The following CPEB2 variants were observed in gnomAD, a reference collection of about 807,000 sequenced individuals.
CPEB2 encodes cytoplasmic polyadenylation element binding protein 2.
In CPEB2, 56 loss-of-function variants were observed where a neutral mutation model predicts 93.6. That is an observed-to-expected ratio of 0.60 (90% CI 0.48 to 0.75). CPEB2 has a LOEUF of 0.75. Among genes scored for constraint, CPEB2 ranks in the 30% least tolerant of loss-of-function variants. The probability of loss-of-function intolerance (pLI) is 0.00; values close to 1 mark genes in which losing one functional copy is unlikely to be tolerated. For synonymous variants in CPEB2, 764 were observed against 586.3 expected (o/e 1.30, Z -4.38); for missense variants, 1,579 against 1,395.1 (o/e 1.13, Z -2.10).
At position 15,003,006 on chromosome 4, in the gene CPEB2, G is replaced by T; in HGVS notation, c.333G>T (p.Gly111=). ...LTQQPARPLS[G]AAATEKLPDH... is the part of the protein sequence containing the mutation. ...AGCAGCCGGCGCGGCCGCTTTCGGGGGCGGCGGCCACGGAGAAACTCCCCG... is the reference window on the plus strand; with the variant it reads ...AGCAGCCGGCGCGGCCGCTTTCGGGTGCGGCGGCCACGGAGAAACTCCCCG... Residue 111 remains glycine, a synonymous_variant, in exon 1 of 12, where the codon GGG becomes GGT. Coordinates refer to ENST00000538197, the MANE Select transcript of CPEB2 (RefSeq NM_001177382.2). The T allele has an allele frequency of 6.7e-7, 1 of 1,496,192 alleles. No homozygotes were observed. The highest frequency in any genetic ancestry group is 8.8e-7 in the Non-Finnish European group (1 of 1,134,200). The allele number at this position is 1,496,192 out of a possible 1,614,324, so 92.7% of individuals were successfully genotyped here. A position where few individuals can be genotyped will look rare whatever the true frequency, so the allele number is the denominator to read the frequency against.
At chr4:15,005,967 A>T (rs1333896451) in intron 1 of CPEB2, among the ~76,000 whole-genome samples, 1 of 152,232 alleles carries the variant, frequency 6.6e-6, no homozygotes, top group Non-Finnish European at 1.5e-5. Context: ...AGAGCGTTGG[A>T]AGAACATATA....
At chr4:15,032,589 CTT>C (rs1186441759) in intron 4 of CPEB2, among the ~76,000 whole-genome samples, 2 of 151,836 alleles carry the variant, frequency 1.3e-5, no homozygotes, top group African/African-American at 4.8e-5. Flanking sequence ...CATTTATAAA[CTT>C]TGAAGAAGTT....
intron 7 of CPEB2, among the ~76,000 whole-genome samples, chr4:15,053,619 C>T (rs759428012): frequency 1.2e-4 from 19 of 152,198 alleles, no homozygotes; most frequent in African/African-American, 3.6e-4. Flanking sequence ...AATGAAATAA[C>T]GTAAGACATA....
intron 2 of CPEB2, 86 bp downstream of exon 2, chr4:15,007,672 A>G: frequency 1.2e-6 from 1 of 819,816 alleles, no homozygotes; most frequent in Non-Finnish European, 1.7e-6. Context: ...GTATGCTAAA[A>G]TTAACATTTT....
chr4:15,018,601 C>T (rs993868010), intron 4 of CPEB2, among the ~76,000 whole-genome samples: 4 of 150,754 alleles, frequency 2.7e-5, no homozygotes, highest in East Asian at 1.9e-4. Context: ...TTAGATCCAC[C>T]ATTTAGAATA....
chr4:15,064,588 A>G (rs1287947820), intron 11 of CPEB2, among the ~76,000 whole-genome samples: 2 of 151,940 alleles, frequency 1.3e-5, no homozygotes, highest in Admixed American at 6.6e-5. Context: ...TTAAAAAAAA[A>G]GAAATAACCA....
chr4:15,037,496 G>A (rs757443224), intron 5 of CPEB2, among the ~76,000 whole-genome samples: 11 of 152,056 alleles, frequency 7.2e-5, no homozygotes, highest in Non-Finnish European at 1.2e-4. Context: ...CACAACTGTA[G>A]CTGAGAGCCA....
intron 10 of CPEB2, 33 bp from the exon 11 acceptor site, chr4:15,062,046 C>T (rs775121737): frequency 4.6e-6 from 7 of 1,535,618 alleles, no homozygotes; most frequent in Middle Eastern, 1.8e-4. Flanking sequence ...TGTGTTCTCT[C>T]ACATTTGATG....
At chr4:15,022,482 A>G (rs1038669906) in intron 4 of CPEB2, among the ~76,000 whole-genome samples, 4 of 152,110 alleles carry the variant, frequency 2.6e-5, no homozygotes, top group Non-Finnish European at 4.4e-5. Flanking sequence ...AATCACATAT[A>G]TTAGATACAT....
chr4:15,009,688 T>C (rs1369080284), intron 3 of CPEB2, among the ~76,000 whole-genome samples: 1 of 152,090 alleles, frequency 6.6e-6, no homozygotes, highest in Non-Finnish European at 1.5e-5. Flanking sequence ...AAAGAAGCAA[T>C]AGGATGGATA....
intron 4 of CPEB2, 104 bp from the exon 5 acceptor site, chr4:15,033,057 T>C: frequency 1.4e-6 from 1 of 732,564 alleles, no homozygotes; most frequent in Non-Finnish European, 2.3e-6. Flanking sequence ...CTGTGCTCAA[T>C]AATTTTCTCT....
chr4:15,064,523 A>C (rs929856686), intron 11 of CPEB2, among the ~76,000 whole-genome samples: 1 of 152,074 alleles, frequency 6.6e-6, no homozygotes, highest in Non-Finnish European at 1.5e-5. Context: ...ATCAGGTATT[A>C]TGGAAGTGAA....
At chr4:15,050,287 G>T (rs1728103654) in intron 6 of CPEB2, among the ~76,000 whole-genome samples, 1 of 152,146 alleles carries the variant, frequency 6.6e-6, no homozygotes, top group Non-Finnish European at 1.5e-5. Flanking sequence ...CTCCTTATGA[G>T]AATCTAATGC....
At chr4:15,030,950 GAAAGTTGAGGATCTT>G (rs1016851321) in intron 4 of CPEB2, among the ~76,000 whole-genome samples, 1 of 152,092 alleles carries the variant, frequency 6.6e-6, no homozygotes, top group African/African-American at 2.4e-5. Context: ...TGTGACAATT[GAAAGTTGAGGATCTT>G]TCAAGGTGGA....
At position 15,004,167 on chromosome 4, in the gene CPEB2, C is replaced by G. The variant is rs750627439; in HGVS notation, c.1494C>G (p.Pro498=). Residue 498 remains proline (P), a synonymous_variant, in exon 1 of 12, where the codon CCC becomes CCG. Coordinates refer to ENST00000538197, the MANE Select transcript of CPEB2 (RefSeq NM_001177382.2). The part of the protein sequence containing the change: ...FGGPFSATAV[P]PPPPPAMNIP... ...GCCCCTTCTCGGCTACCGCTGTGCC[C>G]CCTCCGCCGCCGCCCGCCATGAATA... 1.4e-6 allele frequency: 2 copies of G among 1,434,408 alleles called. No individual in the cohort carries two copies. Among genetic ancestry groups the G allele is most frequent in the African/African-American group, 1.5e-5 (1 of 66,196 alleles). The allele number at this position is 1,434,408 out of a possible 1,614,324, so 88.9% of individuals were successfully genotyped here.
At chr4:15,015,577 ATATTCT>A (rs1188687933) in intron 3 of CPEB2, among the ~76,000 whole-genome samples, 1 of 152,084 alleles carries the variant, frequency 6.6e-6, no homozygotes, top group Admixed American at 6.6e-5. Context: ...ATAAATGAAC[ATATTCT>A]TAGAAAAGCT....
intron 3 of CPEB2, among the ~76,000 whole-genome samples, chr4:15,012,660 A>G (rs1723641571): frequency 6.6e-6 from 1 of 152,128 alleles, no homozygotes; most frequent in African/African-American, 2.4e-5. Flanking sequence ...AGTATGATCA[A>G]TATCTACTTA....
intron 11 of CPEB2, among the ~76,000 whole-genome samples, chr4:15,062,705 TTAGAA>T (rs1457696304): frequency 6.6e-6 from 1 of 152,142 alleles, no homozygotes; most frequent in East Asian, 1.9e-4. Context: ...ATATAAGCAC[TTAGAA>T]TAGAACTTGA....
chr4:15,040,336 C>T, intron 5 of CPEB2, 128 bp from the exon 6 acceptor site: 2 of 754,374 alleles, frequency 2.7e-6, no homozygotes, highest in Non-Finnish European at 4.3e-6. Context: ...GTGACATTGT[C>T]ATTGCTCTTA....
Sources: gnomAD v4.1 joint callset for allele counts (sites outside exome capture counted in the v4.1 genomes callset) on GRCh38, gnomAD v4.1.1 for gene constraint, MANE v1.5 for transcripts, NCBI Gene and HGNC (gene_info 2026-07-23, HGNC 2026-07-21) for gene names.